RNF123: variants seen among roughly 807,000 people sequenced by gnomAD.
RNF123 encodes the protein ring finger protein 123.
Under a neutral mutation model 168.5 loss-of-function variants are expected in RNF123, and 86 were observed. The observed-to-expected ratio is 0.51, with a 90% CI of 0.43 to 0.61. The LOEUF (loss-of-function observed/expected upper bound fraction) is 0.61. Ranked by LOEUF, RNF123 falls within the 20% of genes least tolerant of loss-of-function variation. The pLI is 0.00. For missense variants in RNF123, 1,419 were observed against 1,729.7 expected (o/e 0.82, Z 3.19); for synonymous variants, 666 against 689.1 (o/e 0.97, Z 0.52).
At chr3:49,709,730 C>T (rs932808163) in intron 26 of RNF123, among the ~76,000 whole-genome samples, 4 of 152,082 alleles carry the variant, frequency 2.6e-5, no homozygotes, top group African/African-American at 4.8e-5. Context: ...TGAGCCATCG[C>T]GCCCTGCAAT....
chr3:49,699,321 C>A lies in RNF123; in HGVS notation c.765-147C>A. On this transcript the variant is annotated intron_variant, in intron 10 of 38. Coordinates refer to ENST00000327697, the MANE Select transcript of RNF123 (RefSeq NM_022064.5). The surrounding 1 kb of genome is among the most constrained non-coding windows in gnomAD (Gnocchi z 4.8). Reference sequence around the variant, plus strand: ...CACTGAACAGATGAGGAATGTGAAGCATCCTCCCTAGGGAGAATAAGTGGG... The same window carrying A: ...CACTGAACAGATGAGGAATGTGAAGAATCCTCCCTAGGGAGAATAAGTGGG... 1 of 904,640 alleles carries A rather than the reference C, an allele frequency of 1.1e-6. No individual in the cohort carries two copies. Among genetic ancestry groups the A allele is most frequent in the Non-Finnish European group, 1.7e-6 (1 of 594,832 alleles). 56.0% of individuals were successfully genotyped at this position (904,640 alleles called of 1,614,324 possible).
At chr3:49,717,888 C>G (rs955197497) in intron 35 of RNF123, 1 of 1,532,116 alleles carries the variant, frequency 6.5e-7, no homozygotes, top group Non-Finnish European at 8.8e-7. Flanking sequence ...TTCTCTGGAC[C>G]GAAGCAGGGA....
Position 49,721,276 on chromosome 3 carries a change from A to G in RNF123, c.3916A>G (p.Asn1306Asp). Residue 1306 changes from asparagine to aspartate, a missense_variant, in exon 39 of 39, where the codon AAT (asparagine) becomes GAT (aspartate). This residue lies in a region of RNF123 where 50 missense variants were observed against 77.2 expected (regional missense o/e 0.65). Transcript: ENST00000327697. The part of the protein sequence containing the change: ...VSVEDWEKGA[N>D]TSTTSSAA ...TGTAGAGGACTGGGAGAAGGGAGCC[A>G]ATACGAGTACTACCTCCTCAGCTGC... 2 of 1,614,196 alleles carry G rather than the reference A, an allele frequency of 1.2e-6. No individual in the cohort carries two copies. The highest frequency in any genetic ancestry group is 1.3e-5 in the African/African-American group (1 of 75,050).
intron 21 of RNF123, 62 bp downstream of exon 21, chr3:49,703,590 C>T (rs1393688863): frequency 7.3e-7 from 1 of 1,379,256 alleles, no homozygotes. Context: ...GTCCCTGAGC[C>T]TGCTCTGCTG....
intron 21 of RNF123, 93 bp from the exon 22 acceptor site, chr3:49,704,557 C>A: frequency 9.3e-7 from 1 of 1,074,074 alleles, no homozygotes; most frequent in Non-Finnish European, 1.4e-6. Context: ...GGCCTCCTGC[C>A]CAGTGTGCTG....
In RNF123 at chr3:49,702,623, G is replaced by T. The variant is rs772253688; in HGVS notation, c.1630-10G>T. The T allele has an allele frequency of 6.2e-7, 1 of 1,614,222 alleles. No individual in the cohort carries two copies. Among genetic ancestry groups the T allele is most frequent in the African/African-American group, 1.3e-5 (1 of 75,054 alleles). On this transcript the variant is annotated splice_polypyrimidine_tract_variant and intron_variant, in intron 19 of 38. Coordinates refer to ENST00000327697, the MANE Select transcript of RNF123 (RefSeq NM_022064.5). ...GGCACCAATGCATGTTTCATGCCTG[G>T]TGTCCACAGAACATGCCCATGCTCT...
rs370851925 is a variant in RNF123 at position 49,715,868 on chromosome 3, G to A, written c.3197G>A (p.Arg1066Gln). The change falls in exon 33 of 39, where the codon CGG (arginine) becomes CAG (glutamine). Residue 1066 changes from arginine (R) to glutamine (Q), a missense_variant. Physicochemically the swap from Arg to Gln is conservative, Grantham distance 43. Transcript: ENST00000327697. ...CTGGAGCGGAACTTTGTGGACAGCC[G>A]GCAGCTCAAGGTATGTGCCACCTGC... is the stretch of plus-strand genomic sequence containing the variant. ...ERLERNFVDS[R>Q]QLKVCATCFD... 5.6e-6 allele frequency: 9 copies of A among 1,614,070 alleles called. No homozygotes were observed. The highest frequency in any genetic ancestry group is 7.6e-6 in the Non-Finnish European group (9 of 1,180,040).
Position 49,702,678 on chromosome 3 carries a change from C to A in RNF123, c.1675C>A (p.His559Asn). ...CPPEYMVCFL[H>N]RLISALRYYW... is the part of the protein sequence containing the mutation. ...CCCTGAGTACATGGTCTGCTTCTTA[C>A]ACCGGCTGATCTCTGCCCTGCGCTA... The change falls in exon 20 of 39, where the codon CAC becomes AAC. Residue 559 changes from histidine (H) to asparagine (N), a missense_variant. Physicochemically the swap from His to Asn is moderately conservative, Grantham distance 68. Transcript: ENST00000327697. 1 of 1,614,264 alleles carries A rather than the reference C, an allele frequency of 6.2e-7. No homozygotes were observed. Among genetic ancestry groups the A allele is most frequent in the Non-Finnish European group, 8.5e-7 (1 of 1,180,038 alleles).
intron 3 of RNF123, 125 bp downstream of exon 3, chr3:49,691,634 C>T (rs1435900223): frequency 5.9e-6 from 5 of 842,852 alleles, no homozygotes; most frequent in South Asian, 3.1e-5. Context: ...TCACTGTGCT[C>T]CTGGCTGCGA....
At chr3:49,719,468 C>A (rs1311984326) in intron 35 of RNF123, 2 of 1,608,432 alleles carry the variant, frequency 1.2e-6, no homozygotes. Flanking sequence ...CAGGTCATGG[C>A]GGCGACCACC....
Position 49,699,202 on chromosome 3 carries a change from A to ACC in RNF123, c.764+97_764+98insCC. 1 of 1,490,144 alleles carries ACC rather than the reference A, an allele frequency of 6.7e-7. No individual in the cohort carries two copies. Among genetic ancestry groups the ACC allele is most frequent in the Non-Finnish European group, 9.0e-7 (1 of 1,107,824 alleles). The allele number at this position is 1,490,144 out of a possible 1,614,324, so 92.3% of individuals were successfully genotyped here. On this transcript the variant is annotated intron_variant, in intron 10 of 38. Transcript: ENST00000327697. The surrounding 1 kb of genome is among the most constrained non-coding windows in gnomAD (Gnocchi z 4.8). ...CCCAGGGGTGCCATGGGCTGGTGGC[A>ACC]GGCCCTGGCTGCTGCAGAGTTAGTG...
chr3:49,719,538 C>T, intron 35 of RNF123: 1 of 1,309,650 alleles, frequency 7.6e-7, no homozygotes, highest in Admixed American at 2.2e-5. Context: ...CTCTTCTGCT[C>T]TAGTGCGACA....
intron 31 of RNF123, among the ~76,000 whole-genome samples, chr3:49,714,534 C>G (rs2080203727): frequency 6.6e-6 from 1 of 152,256 alleles, no homozygotes; most frequent in Non-Finnish European, 1.5e-5. Context: ...GACCTCCAGC[C>G]TTGTCCCAGC....
At chr3:49,718,781 G>A in intron 35 of RNF123, 1 of 1,613,234 alleles carries the variant, frequency 6.2e-7, no homozygotes, top group Admixed American at 1.7e-5. Context: ...TGTAGCAGGT[G>A]GTAGAGGCGG....
chr3:49,719,096 G>A, intron 35 of RNF123: 2 of 1,613,540 alleles, frequency 1.2e-6, no homozygotes, highest in Non-Finnish European at 1.7e-6. Flanking sequence ...TGGCGGCCAA[G>A]CGCCCGCAAC....
At chr3:49,702,286 G>A (rs2054418690) in intron 18 of RNF123, 48 bp from the exon 19 acceptor site, 2 of 1,605,806 alleles carry the variant, frequency 1.2e-6, no homozygotes, top group Non-Finnish European at 1.7e-6. Context: ...GCCCAGTCTG[G>A]GCCTGCATTC....
At chr3:49,720,454 G>A (rs576767657) in intron 35 of RNF123, 57 bp from the exon 36 acceptor site, 1 of 1,494,944 alleles carries the variant, frequency 6.7e-7, no homozygotes, top group Non-Finnish European at 8.9e-7. Flanking sequence ...AATCCCAAGA[G>A]AGACTTTTAG....
In RNF123 at chr3:49,705,198, G is replaced by A. The variant is rs1173321405; in HGVS notation, c.2158+16G>A. ...CGTGAGGACAGTAGGTGCTTGGTGGGGTCAGGCAGGTCCCCGAAGGACCCT... is the reference window on the plus strand; with the variant it reads ...CGTGAGGACAGTAGGTGCTTGGTGGAGTCAGGCAGGTCCCCGAAGGACCCT... On this transcript the variant is annotated intron_variant, in intron 23 of 38. Coordinates refer to ENST00000327697, the MANE Select transcript of RNF123 (RefSeq NM_022064.5). 2 of 1,585,274 alleles carry A rather than the reference G, an allele frequency of 1.3e-6. No individual in the cohort carries two copies. The highest frequency in any genetic ancestry group is 1.1e-5 in the South Asian group (1 of 87,262).
intron 3 of RNF123, among the ~76,000 whole-genome samples, chr3:49,692,856 T>A (rs1012674768): frequency 6.6e-6 from 1 of 152,228 alleles, no homozygotes; most frequent in Admixed American, 6.5e-5. Context: ...GTACCATGTT[T>A]TCTTTATTTA....
Sources: allele counts gnomAD v4.1 joint callset (sites outside exome capture counted in the v4.1 genomes callset), GRCh38; gene constraint gnomAD v4.1.1; regional missense constraint gnomAD v4.1.1; non-coding constraint Gnocchi (gnomAD v3.1); transcripts MANE v1.5; gene names NCBI Gene and HGNC (gene_info 2026-07-23, HGNC 2026-07-21).